The following SBF1 variants were observed in gnomAD, a reference collection of about 807,000 sequenced individuals.
The protein encoded by SBF1 is SET binding factor 1, also known as myotubularin-related protein 5.
A neutral mutation model predicts 215.8 loss-of-function variants in SBF1; 65 were observed. That is an observed-to-expected ratio of 0.30 (90% confidence interval 0.25 to 0.37). The LOEUF is 0.37. Ranked by LOEUF, SBF1 falls within the 10% of genes least tolerant of loss-of-function variation. The probability of loss-of-function intolerance (pLI) is 1.00; values close to 1 mark genes in which losing one functional copy is unlikely to be tolerated. For missense variants in SBF1, 2,634 were observed against 2,667.8 expected, an observed-to-expected ratio of 0.99 and a Z score of 0.28; for synonymous variants, 1,410 against 1,122.8, an observed-to-expected ratio of 1.26 and a Z score of -5.11.
intron 1 of SBF1, 75 bp from the exon 2 acceptor site, chr22:50,468,536 G>A (rs1026574253): frequency 7.3e-5 from 80 of 1,089,774 alleles, no homozygotes; most frequent in Non-Finnish European, 1.9e-5. Context: ...TCCCAGGGTG[G>A]AAACATTCCC....
chr22:50,467,347 C>A lies in SBF1; in HGVS notation c.540G>T (p.Gly180=). 4 of 1,614,000 alleles carry A rather than the reference C, an allele frequency of 2.5e-6. No homozygotes were observed. The highest frequency in any genetic ancestry group is 3.4e-6 in the Non-Finnish European group (4 of 1,179,948). ...NLLTCTVPLA[G]GSQRTISLGA... is the part of the protein sequence containing the mutation. Reference sequence around the variant, plus strand: ...TGCCTCCAAAACTCACCTGCGAGCCCCCAGCCAGGGGCACAGTGCACGTCA... The same window carrying A: ...TGCCTCCAAAACTCACCTGCGAGCCACCAGCCAGGGGCACAGTGCACGTCA... Residue 180 remains glycine, a synonymous_variant, in exon 5 of 41, where the codon GGG becomes GGT. Transcript: ENST00000380817.
At chr22:50,449,656 A>ACACAC (rs1026571113) in intron 36 of SBF1, among the ~76,000 whole-genome samples, 1 of 148,344 alleles carries the variant, frequency 6.7e-6, no homozygotes, top group African/African-American at 2.5e-5. Flanking sequence ...ACACACACAC[A>ACACAC]CCCCAAAATG....
At chr22:50,466,878 T>A in intron 5 of SBF1, 168 bp from the exon 6 acceptor site, 2 of 587,778 alleles carry the variant, frequency 3.4e-6, no homozygotes, top group Non-Finnish European at 6.0e-6. Context: ...GCCTCTGTTG[T>A]CCCAAGCAGC....
At chr22:50,465,656 G>C (rs1015295103) in intron 10 of SBF1, 107 bp downstream of exon 10, 6 of 1,053,554 alleles carry the variant, frequency 5.7e-6, no homozygotes, top group African/African-American at 1.6e-5. Flanking sequence ...TGCTACTGGA[G>C]CCGGGGCCAG....
intron 22 of SBF1, 62 bp downstream of exon 22, chr22:50,461,461 C>A: frequency 6.6e-7 from 1 of 1,519,794 alleles, no homozygotes; most frequent in Middle Eastern, 1.8e-4. Flanking sequence ...GCAGGGAAAG[C>A]CCATCCATCC....
intron 36 of SBF1, among the ~76,000 whole-genome samples, chr22:50,449,095 C>CTGGGAGGCGGAGGTTGCGG (rs2066945253): frequency 6.6e-6 from 1 of 151,818 alleles, no homozygotes; most frequent in Non-Finnish European, 1.5e-5. Flanking sequence ...TCGCTTGAAC[C>CTGGGAGGCGGAGGTTGCGG]TGGGAGGCGG....
intron 38 of SBF1, among the ~76,000 whole-genome samples, chr22:50,447,811 G>T (rs550380281): frequency 3.9e-5 from 6 of 152,340 alleles, no homozygotes; most frequent in Admixed American, 1.3e-4. Context: ...AGAAGACGAC[G>T]CCCAGAAAGG....
At chr22:50,465,484 G>A (rs2148599238) in intron 10 of SBF1, among the ~76,000 whole-genome samples, 156 bp from the exon 11 acceptor site, 1 of 152,188 alleles carries the variant, frequency 6.6e-6, no homozygotes, top group African/African-American at 2.4e-5. Context: ...CAGCTCCTCT[G>A]AAACTGTCTG....
rs771208670 is a variant in SBF1, at chr22:50,467,879, T to C, written c.186A>G (p.Pro62=). ...SGWQLCPERN[P]PTFFVAVLTD... ...TGAGGACAGCAACAAAGAAGGTCGG[T>C]GGATTCCTCTCGGGACACAGCTGCC... is the stretch of plus-strand genomic sequence containing the variant. Residue 62 remains proline, a synonymous_variant, in exon 3 of 41, where the codon CCA becomes CCG. Coordinates refer to ENST00000380817, the MANE Select transcript of SBF1 (RefSeq NM_002972.4). The C allele has an allele frequency of 1.9e-6, 3 of 1,613,950 alleles. No individual in the cohort carries two copies. Among genetic ancestry groups the C allele is most frequent in the Non-Finnish European group, 2.5e-6 (3 of 1,179,976 alleles).
chr22:50,448,083 A>C, intron 38 of SBF1, 150 bp downstream of exon 38: 1 of 715,590 alleles, frequency 1.4e-6, no homozygotes, highest in South Asian at 1.8e-5. Flanking sequence ...AGCTGTGGTC[A>C]CCAGTTCGAC....
intron 1 of SBF1, among the ~76,000 whole-genome samples, chr22:50,471,329 AGGCG>A (rs1215710277): frequency 6.6e-6 from 1 of 152,090 alleles, no homozygotes; most frequent in African/African-American, 2.4e-5. Flanking sequence ...CAGGCCTGAA[AGGCG>A]GGCGGGCGGG....
In SBF1 at chr22:50,454,537, G is replaced by C. The variant is rs1244203232; in HGVS notation, c.5018C>G (p.Pro1673Arg). 3 of 1,610,656 alleles carry C rather than the reference G, an allele frequency of 1.9e-6. No homozygotes were observed. Among genetic ancestry groups the C allele is most frequent in the African/African-American group, 1.3e-5 (1 of 75,048 alleles). The stretch of plus-strand genomic sequence containing the variant: ...CTCCAGCAGGCGTGAGATGGCGTCA[G>C]GCTGGGCCCGCGGGCAGCTGTCGTA... ...PCYDSCPRAQ[P>R]DAISRLLEEL... The change falls in exon 36 of 41, where the codon CCT (proline) becomes CGT (arginine). Residue 1673 changes from proline (P) to arginine (R), a missense_variant. Pro to Arg is a moderately radical substitution (Grantham distance 103). Transcript: ENST00000380817.
rs1231202107 is a variant in SBF1 at position 50,465,865 on chromosome 22, A to G, written c.1012-25T>C. On this transcript the variant is annotated intron_variant, in intron 9 of 40. Coordinates refer to ENST00000380817, the MANE Select transcript of SBF1 (RefSeq NM_002972.4). Reference sequence around the variant, plus strand: ...CCTGCCAGCACAGAATGGAGCAGGCAGCTGCACGCTGGCCCCGGCTCTAGG... The same window carrying G: ...CCTGCCAGCACAGAATGGAGCAGGCGGCTGCACGCTGGCCCCGGCTCTAGG... 1.9e-6 allele frequency: 3 copies of G among 1,612,822 alleles called. No homozygotes were observed. In the African/African-American group the frequency reaches 4.0e-5, roughly 22 times the overall value.
Position 50,447,097 on chromosome 22 carries a change from G to A in SBF1, c.*45C>T. 6.4e-7 allele frequency: 1 copy of A among 1,554,156 alleles called. No homozygotes were observed. Among genetic ancestry groups the A allele is most frequent in the Non-Finnish European group, 8.8e-7 (1 of 1,140,162 alleles). On this transcript the variant is annotated 3_prime_UTR_variant, in exon 41 of 41. Transcript: ENST00000380817. ...GGGGCGGCCCTGCCCACCCCTAGTG[G>A]TCGGTAACGACCGGAAGCAGAGCAG...
rs1409022870 is a variant in SBF1, at chr22:50,467,824, C to T, written c.241G>A (p.Ala81Thr). Residue 81 changes from alanine to threonine, a missense_variant, in exon 3 of 41, where the codon GCC becomes ACC. By Grantham distance (58) the Ala-to-Thr change is moderately conservative. Coordinates refer to ENST00000380817, the MANE Select transcript of SBF1 (RefSeq NM_002972.4). ...TDINSERHYC[A>T]CLTFWEPAEP... is the part of the protein sequence containing the mutation. ...GCTGGCTCCCAGAAGGTCAAGCAGG[C>T]GCAGTAGTGGCGCTCGGAGTTGATG... The T allele has an allele frequency of 1.5e-5, 24 of 1,613,826 alleles. No individual in the cohort carries two copies. Among genetic ancestry groups the T allele is most frequent in the African/African-American group, 8.0e-5 (6 of 74,922 alleles).
At chr22:50,450,628 G>A (rs1007825259) in intron 36 of SBF1, among the ~76,000 whole-genome samples, 1 of 152,054 alleles carries the variant, frequency 6.6e-6, no homozygotes, top group African/African-American at 2.4e-5. Context: ...AAGACACAAA[G>A]ACACAAAACT....
rs1172619016 is a variant in SBF1 at position 50,461,705 on chromosome 22, C to T, written c.2657G>A (p.Arg886Gln). ...CTCCTCACCCGGCAGCAGGCGCGGC[C>T]GCAGCAGCTTGGGCTGCTCGAAAAC... The part of the protein sequence containing the change: ...LPPIQKPKLL[R>Q]PRLLPGEECV... Residue 886 changes from arginine (R) to glutamine (Q), a missense_variant, in exon 22 of 41, where the codon CGG becomes CAG. Transcript: ENST00000380817. The T allele has an allele frequency of 3.7e-6, 6 of 1,609,698 alleles. No homozygotes were observed. The highest frequency in any genetic ancestry group is 2.2e-5 in the East Asian group (1 of 44,832).
At chr22:50,465,447 CT>C (rs1042611442) in intron 10 of SBF1, 119 bp from the exon 11 acceptor site, 4 of 866,896 alleles carry the variant, frequency 4.6e-6, no homozygotes, top group African/African-American at 3.3e-5. Context: ...CCTTCTGCCC[CT>C]CCCACCATTC....
chr22:50,467,379 T>A lies in SBF1; in HGVS notation c.508A>T (p.Asn170Tyr), dbSNP rs1189742426. 1 of 1,614,086 alleles carries A rather than the reference T, an allele frequency of 6.2e-7. No homozygotes were observed. The highest frequency in any genetic ancestry group is 2.2e-5 in the East Asian group (1 of 44,880). ...AGGGGCACAGTGCACGTCAGCAGGTTCCCAATCACGTTCTCCAGGCACACA... is the reference window on the plus strand; with the variant it reads ...AGGGGCACAGTGCACGTCAGCAGGTACCCAATCACGTTCTCCAGGCACACA... Reference protein sequence around the residue: ...LNVCLENVIGNLLTCTVPLAG... With the variant: ...LNVCLENVIGYLLTCTVPLAG... The change falls in exon 5 of 41, where the codon AAC (asparagine) becomes TAC (tyrosine). Residue 170 changes from asparagine to tyrosine, a missense_variant. Physicochemically the swap from Asn to Tyr is moderately radical, Grantham distance 143. Transcript: ENST00000380817.
Sources: gnomAD v4.1 joint callset for allele counts (sites outside exome capture counted in the v4.1 genomes callset) on GRCh38, gnomAD v4.1.1 for gene constraint, MANE v1.5 for transcripts, NCBI Gene and HGNC (gene_info 2026-07-23, HGNC 2026-07-21) for gene names.